DNAAF4: variants seen among roughly 807,000 people sequenced by gnomAD.
The protein encoded by DNAAF4 is dynein assembly factor 4, axonemal.
DNAAF4 carries 43 observed loss-of-function variants against 51.8 expected under a neutral mutation model. The observed-to-expected ratio is 0.83, with a 90% CI of 0.65 to 1.07. The LOEUF is 1.07. Ranked by LOEUF, DNAAF4 falls within the 50% of genes least tolerant of loss-of-function variation. The pLI is 0.00. For synonymous variants in DNAAF4, 194 were observed against 165.6 expected (o/e 1.17, Z -1.32); for missense variants, 581 against 493.0 (o/e 1.18, Z -1.69).
chr15:55,442,445 A>G, intron 6 of DNAAF4, among the ~76,000 whole-genome samples: 1 of 152,200 alleles, frequency 6.6e-6, no homozygotes, highest in East Asian at 1.9e-4. Context: ...GCTCGCAGGA[A>G]GTGTTTCTGT....
At chr15:55,419,789 G>C (rs1426778258) in intron 7 of DNAAF4, among the ~76,000 whole-genome samples, 1 of 152,212 alleles carries the variant, frequency 6.6e-6, no homozygotes. Context: ...CTGAGGTCAG[G>C]AGTTTAAGAC....
chr15:55,430,246 A>C (rs1692795284), downstream of DNAAF4: 1 of 400,270 alleles, frequency 2.5e-6, no homozygotes. Context: ...CAACCTGTCA[A>C]TATTTATTAT....
rs1555418732 is a variant in DNAAF4 at position 55,473,198 on chromosome 15, AATATAT to A, written c.406-6043_406-6038del. 1.2e-3 allele frequency among the ~76,000 whole-genome samples: 89 copies of A among 75,742 alleles called. 11 individuals are homozygous for A. Among genetic ancestry groups the A allele is most frequent in the African/African-American group, 4.7e-3 (87 of 18,676 alleles). The allele number at this position is 75,742 out of a possible 152,430, so 49.7% of individuals were successfully genotyped here. A position where few individuals can be genotyped will look rare whatever the true frequency, so the allele number is the denominator to read the frequency against. ...ACAAAAAAAAAACCTAAAAAAAAAA[AATATAT>A]ATATATATATATATATATGTGTGTG... is the stretch of plus-strand genomic sequence containing the variant. On this transcript the variant is annotated intron_variant, in intron 4 of 9. Coordinates refer to ENST00000321149, the MANE Select transcript of DNAAF4 (RefSeq NM_130810.4).
chr15:55,474,999 A>G (rs2058317128), intron 4 of DNAAF4, among the ~76,000 whole-genome samples: 1 of 152,188 alleles, frequency 6.6e-6, no homozygotes, highest in African/African-American at 2.4e-5. Flanking sequence ...CAAACAAACA[A>G]AAAATATATA....
At chr15:55,507,043 G>C (rs1567040092) in intron 1 of DNAAF4, among the ~76,000 whole-genome samples, 1 of 151,926 alleles carries the variant, frequency 6.6e-6, no homozygotes, top group Non-Finnish European at 1.5e-5. Context: ...TAGAGGTGGG[G>C]TTTCACCATG....
intron 4 of DNAAF4, among the ~76,000 whole-genome samples, chr15:55,489,065 G>C (rs1315292543): frequency 6.6e-6 from 1 of 151,440 alleles, no homozygotes; most frequent in Non-Finnish European, 1.5e-5. Context: ...CTCCAGCCTG[G>C]GCGACTAAGC....
At chr15:55,455,635 T>C (rs2141475224) in intron 5 of DNAAF4, among the ~76,000 whole-genome samples, 1 of 152,134 alleles carries the variant, frequency 6.6e-6, no homozygotes, top group South Asian at 2.1e-4. Context: ...TTTCGCCATG[T>C]TGCCCAGGGT....
At chr15:55,466,133 T>C (rs1427021242) in intron 5 of DNAAF4, among the ~76,000 whole-genome samples, 16 of 152,202 alleles carry the variant, frequency 1.1e-4, no homozygotes, top group Non-Finnish European at 1.5e-5. Flanking sequence ...CTGAATTATA[T>C]TTGTATCAGC....
intron 6 of DNAAF4, among the ~76,000 whole-genome samples, chr15:55,440,181 T>C (rs1176248639): frequency 6.6e-6 from 1 of 150,900 alleles, no homozygotes; most frequent in Non-Finnish European, 1.5e-5. Context: ...GCCTCCCGAG[T>C]AGGTGGGATT....
At chr15:55,501,657 A>G (rs970040223) in intron 1 of DNAAF4, among the ~76,000 whole-genome samples, 1 of 150,792 alleles carries the variant, frequency 6.6e-6, no homozygotes, top group African/African-American at 2.4e-5. Context: ...TTACAGGTGT[A>G]AGCCACCACG....
In DNAAF4 at chr15:55,432,536, G is replaced by A. The variant is rs1346909637; in HGVS notation, c.1114C>T (p.Arg372Cys). The A allele has an allele frequency of 2.5e-6, 4 of 1,612,160 alleles. No individual in the cohort carries two copies. The highest frequency in any genetic ancestry group is 1.1e-5 in the South Asian group (1 of 90,828). ...ANARMKAHVR[R>C]GTAFCQLELY... is the part of the protein sequence containing the mutation. ...TCTAGTTGACAGAATGCTGTTCCACGTCGTACATGTGCCTTCATTCTTGCA... is the reference window on the plus strand; with the variant it reads ...TCTAGTTGACAGAATGCTGTTCCACATCGTACATGTGCCTTCATTCTTGCA... Residue 372 changes from arginine (R) to cysteine (C), a missense_variant, in exon 9 of 10, where the codon CGT (arginine) becomes TGT (cysteine). Transcript: ENST00000321149.
At position 55,498,480 on chromosome 15, in the gene DNAAF4, G is replaced by A; in HGVS notation, c.-151C>T. ...GCGTGCTCCGGCGCCAGCACCTCGC[G>A]GACTCCATGCGTGACTATCCAGGCG... On this transcript the variant is annotated 5_prime_UTR_variant, in exon 2 of 10. Coordinates refer to ENST00000321149, the MANE Select transcript of DNAAF4 (RefSeq NM_130810.4). 2.5e-6 allele frequency: 3 copies of A among 1,191,014 alleles called. No homozygotes were observed. The highest frequency in any genetic ancestry group is 5.8e-5 in the Admixed American group (2 of 34,370). 73.8% of individuals were successfully genotyped at this position (1,191,014 alleles called of 1,614,324 possible).
intron 8 of DNAAF4, among the ~76,000 whole-genome samples, chr15:55,433,923 T>TAATATA (rs1241827945): frequency 0.13 from 1,495 of 11,904 alleles, 143 homozygotes; most frequent in African/African-American, 0.33. Flanking sequence ...ATTATATATA[T>TAATATA]TATATTATAT....
At chr15:55,446,582 G>T (rs1294816714) in intron 6 of DNAAF4, among the ~76,000 whole-genome samples, 1 of 142,502 alleles carries the variant, frequency 7.0e-6, no homozygotes, top group African/African-American at 2.7e-5. Flanking sequence ...GGGCAGCCAG[G>T]CAGAGGCGCT....
chr15:55,433,998 AT>A, intron 8 of DNAAF4, among the ~76,000 whole-genome samples: 3 of 88,124 alleles, frequency 3.4e-5, no homozygotes, highest in African/African-American at 9.3e-5. Context: ...TATATATAAT[AT>A]TATATATATT....
chr15:55,481,715 T>G (rs2058413408), intron 4 of DNAAF4, among the ~76,000 whole-genome samples: 1 of 152,068 alleles, frequency 6.6e-6, no homozygotes, highest in Admixed American at 6.6e-5. Context: ...GGATCAAGTC[T>G]CTCAGGGGGA....
At chr15:55,496,179 C>T (rs1226369430) in intron 3 of DNAAF4, among the ~76,000 whole-genome samples, 2 of 152,186 alleles carry the variant, frequency 1.3e-5, no homozygotes, top group African/African-American at 4.8e-5. Flanking sequence ...TGCAGTGAGC[C>T]GAGATCGCAT....
chr15:55,473,241 ATATG>A (rs1273198256), intron 4 of DNAAF4, among the ~76,000 whole-genome samples: 2 of 140,976 alleles, frequency 1.4e-5, no homozygotes, highest in East Asian at 4.2e-4. Context: ...GTATATATAT[ATATG>A]TGTGTGTATA....
chr15:55,492,852 G>A (rs747365625), intron 3 of DNAAF4, among the ~76,000 whole-genome samples: 72 of 151,964 alleles, frequency 4.7e-4, no homozygotes, highest in Non-Finnish European at 7.2e-4. Context: ...TGTGATACAC[G>A]ATTATGTGCT....
Sources: gnomAD v4.1 joint callset for allele counts (sites outside exome capture counted in the v4.1 genomes callset) on GRCh38, gnomAD v4.1.1 for gene constraint, MANE v1.5 for transcripts, NCBI Gene and HGNC (gene_info 2026-07-23, HGNC 2026-07-21) for gene names.